MDGA2: variants seen among roughly 807,000 people sequenced by gnomAD.
MDGA2 encodes MAM domain containing glycosylphosphatidylinositol anchor 2.
In MDGA2, 40 loss-of-function variants were observed where a neutral mutation model predicts 117.8. That is an observed-to-expected ratio of 0.34 (90% confidence interval 0.26 to 0.44). MDGA2 has a LOEUF of 0.44. Ranked by LOEUF, MDGA2 falls within the 20% of genes least tolerant of loss-of-function variation. The probability of loss-of-function intolerance (pLI) is 1.00; values close to 1 mark genes in which losing one functional copy is unlikely to be tolerated. For missense variants in MDGA2, 1,123 were observed against 1,250.6 expected (o/e 0.90, Z 1.54); for synonymous variants, 452 against 439.0 (o/e 1.03, Z -0.37).
In MDGA2 at chr14:47,484,609, T is replaced by A. The variant is rs532751579; in HGVS notation, c.281-183059A>T. Among the ~76,000 whole-genome samples the A allele has an allele frequency of 2.1e-4, 32 of 152,230 alleles. No homozygotes were observed. In the South Asian group the frequency reaches 6.2e-3, roughly 30 times the overall value. On this transcript the variant is annotated intron_variant, in intron 1 of 16. Coordinates refer to ENST00000399232, the MANE Select transcript of MDGA2 (RefSeq NM_001113498.3). ...TACAGTCCAAAACAGCTATTCAAAT[T>A]TCACACAGTGATATGGTTTGCATCT...
At chr14:46,874,232 A>AG (rs1398048597) in intron 12 of MDGA2, 32 bp from the exon 13 acceptor site, 11 of 1,104,518 alleles carry the variant, frequency 1.0e-5, no homozygotes, top group Non-Finnish European at 1.3e-5. Context: ...ATTAATATTA[A>AG]TTAAATTAAT....
intron 1 of MDGA2, among the ~76,000 whole-genome samples, chr14:47,431,791 G>C (rs576862603): frequency 6.6e-6 from 1 of 152,090 alleles, no homozygotes; most frequent in South Asian, 2.1e-4. Context: ...ATTGAGATTT[G>C]TCTACATTAC....
intron 1 of MDGA2, among the ~76,000 whole-genome samples, chr14:47,661,978 C>A (rs1897858581): frequency 6.6e-6 from 1 of 152,028 alleles, no homozygotes; most frequent in Non-Finnish European, 1.5e-5. Context: ...TTCAGGTGAT[C>A]CGCCTGCCTC....
At chr14:47,464,620 A>G (rs886363892) in intron 1 of MDGA2, among the ~76,000 whole-genome samples, 1 of 151,990 alleles carries the variant, frequency 6.6e-6, no homozygotes, top group Non-Finnish European at 1.5e-5. Flanking sequence ...AACACAGCTA[A>G]CCAGGGAGGT....
At chr14:47,178,897 T>C (rs1455339782) in intron 3 of MDGA2, among the ~76,000 whole-genome samples, 1 of 152,110 alleles carries the variant, frequency 6.6e-6, no homozygotes, top group African/African-American at 2.4e-5. Context: ...GTATACAGTA[T>C]ACAAGTACCT....
chr14:47,186,195 T>C (rs1322427342), intron 3 of MDGA2, among the ~76,000 whole-genome samples: 2 of 151,692 alleles, frequency 1.3e-5, no homozygotes, highest in African/African-American at 4.8e-5. Flanking sequence ...AAACAATTCA[T>C]ATGGTCACAG....
chr14:47,015,019 T>G (rs1888032205), intron 8 of MDGA2, among the ~76,000 whole-genome samples: 1 of 152,092 alleles, frequency 6.6e-6, no homozygotes, highest in Non-Finnish European at 1.5e-5. Context: ...GAAGACATTA[T>G]AGGGTTATTA....
At chr14:46,960,771 G>A (rs927835659) in intron 8 of MDGA2, among the ~76,000 whole-genome samples, 3 of 145,940 alleles carry the variant, frequency 2.1e-5, no homozygotes, top group Non-Finnish European at 3.0e-5. Flanking sequence ...TGTAGAATTT[G>A]TGTACATATT....
At chr14:47,473,118 T>G (rs1331821660) in intron 1 of MDGA2, among the ~76,000 whole-genome samples, 1 of 152,060 alleles carries the variant, frequency 6.6e-6, no homozygotes, top group African/African-American at 2.4e-5. Context: ...CATGAGTTTA[T>G]GAGGATAAAT....
At chr14:47,581,427 A>G (rs1263481825) in intron 1 of MDGA2, among the ~76,000 whole-genome samples, 1 of 152,014 alleles carries the variant, frequency 6.6e-6, no homozygotes, top group Non-Finnish European at 1.5e-5. Context: ...AAATATGTTC[A>G]AATATAGTCT....
intron 7 of MDGA2, among the ~76,000 whole-genome samples, chr14:47,057,227 T>C (rs1889709075): frequency 6.6e-6 from 1 of 152,136 alleles, no homozygotes; most frequent in Admixed American, 6.6e-5. Flanking sequence ...TCAAATGTCA[T>C]TTCTCTGTAA....
At chr14:47,063,100 A>G (rs1020202619) in intron 6 of MDGA2, among the ~76,000 whole-genome samples, 2 of 152,018 alleles carry the variant, frequency 1.3e-5, no homozygotes, top group African/African-American at 2.4e-5. Context: ...TATTCACACA[A>G]CATTTATGAT....
At chr14:47,464,026 C>G (rs1451728914) in intron 1 of MDGA2, among the ~76,000 whole-genome samples, 3 of 151,822 alleles carry the variant, frequency 2.0e-5, no homozygotes, top group Non-Finnish European at 4.4e-5. Flanking sequence ...ACAATACTCA[C>G]AAACCTCTCT....
rs922167304 is a variant in MDGA2 at position 47,007,897 on chromosome 14, G to T, written c.1819+27114C>A. 1.1e-4 allele frequency among the ~76,000 whole-genome samples: 16 copies of T among 151,786 alleles called. 1 individual carries two copies. The highest frequency in any genetic ancestry group is 1.1e-3 in the Admixed American group (16 of 15,184). The stretch of plus-strand genomic sequence containing the variant: ...GTGGAACAAATTCTAAAATACTCAA[G>T]TATATTCATTTCCAATTATGATCTA... On this transcript the variant is annotated intron_variant, in intron 8 of 16. Coordinates refer to ENST00000399232, the MANE Select transcript of MDGA2 (RefSeq NM_001113498.3).
At chr14:47,003,367 GA>G (rs34952989) in intron 8 of MDGA2, among the ~76,000 whole-genome samples, 7 of 148,432 alleles carry the variant, frequency 4.7e-5, no homozygotes, top group East Asian at 4.0e-4. Context: ...AAAACAAAAT[GA>G]AAAAAAAAAC....
chr14:46,993,470 T>C (rs1017821828), intron 8 of MDGA2, among the ~76,000 whole-genome samples: 3 of 151,994 alleles, frequency 2.0e-5, no homozygotes, highest in Non-Finnish European at 2.9e-5. Context: ...GGGGGGACTT[T>C]TTTTTTTCTG....
At chr14:46,852,253 A>G (rs1165806682) in intron 15 of MDGA2, among the ~76,000 whole-genome samples, 1 of 151,740 alleles carries the variant, frequency 6.6e-6, no homozygotes, top group African/African-American at 2.4e-5. Context: ...TTAAATTACC[A>G]AATAACTGGG....
intron 1 of MDGA2, among the ~76,000 whole-genome samples, chr14:47,389,156 A>G (rs887534009): frequency 3.5e-5 from 5 of 143,270 alleles, no homozygotes; most frequent in African/African-American, 9.1e-5. Context: ...AAAATTTTCA[A>G]ATACATCCAG....
chr14:47,462,670 T>A (rs1015840888), intron 1 of MDGA2, among the ~76,000 whole-genome samples: 5 of 152,200 alleles, frequency 3.3e-5, no homozygotes, highest in Admixed American at 2.0e-4. Context: ...AAGCTCCGTG[T>A]TCCCAATGAT....
Sources: gnomAD v4.1 joint callset for allele counts (sites outside exome capture counted in the v4.1 genomes callset) on GRCh38, gnomAD v4.1.1 for gene constraint, MANE v1.5 for transcripts, NCBI Gene and HGNC (gene_info 2026-07-23, HGNC 2026-07-21) for gene names.